The following HSD17B12 variants were observed in gnomAD, a reference collection of about 807,000 sequenced individuals.
HSD17B12 encodes hydroxysteroid 17-beta dehydrogenase 12, also known as very-long-chain 3-oxoacyl-CoA reductase.
HSD17B12 carries 32 observed loss-of-function variants against 39.3 expected under a neutral mutation model. The observed-to-expected ratio is 0.81, with a 90% CI of 0.61 to 1.09. The LOEUF is 1.09. HSD17B12 is among the 50% of genes least tolerant of loss of function. The pLI, the probability that HSD17B12 is intolerant of heterozygous loss-of-function variation, is 0.00. For synonymous variants in HSD17B12, 150 were observed against 146.7 expected (o/e 1.02, Z -0.16); for missense variants, 342 against 382.9 (o/e 0.89, Z 0.89).
At position 43,719,625 on chromosome 11, in the gene HSD17B12, A is replaced by T. The variant is rs201608136; in HGVS notation, c.161-31286A>T. The stretch of plus-strand genomic sequence containing the variant: ...AAAGGACAAGGACTTCAAAAAAAAA[A>T]AAATATATATATATATATACCTTGA... On this transcript the variant is annotated intron_variant, in intron 1 of 10. Coordinates refer to ENST00000278353, the MANE Select transcript of HSD17B12 (RefSeq NM_016142.3). 4.4e-3 allele frequency among the ~76,000 whole-genome samples: 582 copies of T among 131,186 alleles called. 1 individual carries two copies. The highest frequency in any genetic ancestry group is 0.012 in the African/African-American group (450 of 36,220). The allele number at this position is 131,186 out of a possible 152,430, so 86.1% of individuals were successfully genotyped here. A position where few individuals can be genotyped will look rare whatever the true frequency, so the allele number is the denominator to read the frequency against.
chr11:43,625,342 A>G, the HSD17B12 span, among the ~76,000 whole-genome samples: 4 of 151,602 alleles, frequency 2.6e-5, no homozygotes, highest in Admixed American at 6.6e-5. Context: ...TACTGGTCAT[A>G]ATCACTAAGT....
chr11:43,807,868 GCATTGA>G (rs1165562217), intron 4 of HSD17B12, among the ~76,000 whole-genome samples: 1 of 152,178 alleles, frequency 6.6e-6, no homozygotes, highest in Admixed American at 6.5e-5. Context: ...TTGCCGACAT[GCATTGA>G]GCACTCTTTC....
chr11:43,737,108 GA>G (rs1026995064), intron 1 of HSD17B12, among the ~76,000 whole-genome samples: 44 of 152,206 alleles, frequency 2.9e-4, no homozygotes, highest in Admixed American at 6.5e-4. Context: ...TGTTCGGGGG[GA>G]AAAAAGAGTC....
intron 3 of HSD17B12, among the ~76,000 whole-genome samples, chr11:43,758,362 T>C (rs1367779135): frequency 6.6e-6 from 1 of 152,124 alleles, no homozygotes; most frequent in Non-Finnish European, 1.5e-5. Context: ...AGACTAGTAC[T>C]ATTTCCACTG....
At chr11:43,763,145 T>C (rs905675364) in intron 3 of HSD17B12, among the ~76,000 whole-genome samples, 6 of 152,172 alleles carry the variant, frequency 3.9e-5, no homozygotes, top group Non-Finnish European at 8.8e-5. Flanking sequence ...CAATTTTATT[T>C]TTCTTCATCT....
chr11:43,844,237 T>G (rs531381191), intron 9 of HSD17B12, among the ~76,000 whole-genome samples: 1 of 152,354 alleles, frequency 6.6e-6, no homozygotes, highest in East Asian at 1.9e-4. Context: ...CTAGATTGTT[T>G]CAGATTACTT....
intron 6 of HSD17B12, among the ~76,000 whole-genome samples, chr11:43,825,085 C>T (rs1256660866): frequency 1.3e-5 from 2 of 151,414 alleles, no homozygotes; most frequent in Non-Finnish European, 2.9e-5. Flanking sequence ...GGGCCAAGAT[C>T]GTGCCACTGG....
intron 9 of HSD17B12, among the ~76,000 whole-genome samples, chr11:43,847,396 C>T (rs1281313483): frequency 6.6e-6 from 1 of 152,168 alleles, no homozygotes; most frequent in Non-Finnish European, 1.5e-5. Flanking sequence ...TACATTTGAA[C>T]TTATTGTCCT....
the HSD17B12 span, among the ~76,000 whole-genome samples, chr11:43,620,274 ATAT>A: frequency 6.6e-6 from 1 of 152,192 alleles, no homozygotes; most frequent in Non-Finnish European, 1.5e-5. Flanking sequence ...TATGGAGTAA[ATAT>A]TATTATCATC....
the HSD17B12 span, chr11:43,579,355 C>T: frequency 1.3e-5 from 2 of 152,180 alleles, no homozygotes; most frequent in African/African-American, 2.4e-5. Flanking sequence ...CCACACAGTA[C>T]AGTAACTTAT....
the HSD17B12 span, among the ~76,000 whole-genome samples, chr11:43,565,178 G>A: frequency 6.6e-6 from 1 of 152,198 alleles, no homozygotes; most frequent in Non-Finnish European, 1.5e-5. Flanking sequence ...GGGATTACAG[G>A]CGTGAGCCAC....
At chr11:43,624,540 GA>G in the HSD17B12 span, among the ~76,000 whole-genome samples, 2 of 151,562 alleles carry the variant, frequency 1.3e-5, no homozygotes, top group African/African-American at 4.8e-5. Flanking sequence ...TTTAAATAAA[GA>G]AAGAAATTGT....
At chr11:43,606,178 T>C in the HSD17B12 span, among the ~76,000 whole-genome samples, 1 of 152,234 alleles carries the variant, frequency 6.6e-6, no homozygotes, top group Admixed American at 6.5e-5. Context: ...AGTGTAGTAG[T>C]ATTTAATCAA....
intron 3 of HSD17B12, among the ~76,000 whole-genome samples, chr11:43,780,469 A>G (rs1174483132): frequency 6.6e-6 from 1 of 152,052 alleles, no homozygotes; most frequent in Admixed American, 6.6e-5. Context: ...CCCCTGGCCT[A>G]TGTGTATCAT....
the HSD17B12 span, among the ~76,000 whole-genome samples, chr11:43,616,425 CAAAAAAA>C: frequency 1.6e-5 from 1 of 62,432 alleles, no homozygotes; most frequent in African/African-American, 5.2e-5. Context: ...AAACAAAAAA[CAAAAAAA>C]AAACAAACAA....
chr11:43,620,270 G>A, the HSD17B12 span, among the ~76,000 whole-genome samples: 1 of 152,172 alleles, frequency 6.6e-6, no homozygotes, highest in African/African-American at 2.4e-5. Context: ...ACCCTATGGA[G>A]TAAATATTAT....
the HSD17B12 span, among the ~76,000 whole-genome samples, chr11:43,589,763 A>G: frequency 6.6e-6 from 1 of 152,352 alleles, no homozygotes; most frequent in African/African-American, 2.4e-5. Flanking sequence ...GGAAGCAGTG[A>G]AACCTGTTGG....
chr11:43,671,124 T>C, the HSD17B12 span, among the ~76,000 whole-genome samples: 2 of 152,152 alleles, frequency 1.3e-5, no homozygotes, highest in African/African-American at 2.4e-5. Context: ...ATGATGTAGG[T>C]AAGATATTAT....
chr11:43,713,247 TTAGGTA>T (rs1472283094), intron 1 of HSD17B12, among the ~76,000 whole-genome samples: 2 of 151,930 alleles, frequency 1.3e-5, no homozygotes, highest in African/African-American at 4.8e-5. Context: ...GTTATTTACA[TTAGGTA>T]TATCTCCTAA....
Sources: gnomAD v4.1 joint callset for allele counts (sites outside exome capture counted in the v4.1 genomes callset) on GRCh38, gnomAD v4.1.1 for gene constraint, MANE v1.5 for transcripts, NCBI Gene and HGNC (gene_info 2026-07-23, HGNC 2026-07-21) for gene names.